FHOD3: variants seen among roughly 807,000 people sequenced by gnomAD.
FHOD3 encodes the protein FH1/FH2 domain-containing protein 3.
In FHOD3, 90 loss-of-function variants were observed where a neutral mutation model predicts 173.0. That is an observed-to-expected ratio of 0.52 (90% CI 0.44 to 0.62). The LOEUF (loss-of-function observed/expected upper bound fraction) is 0.62. FHOD3 is among the 20% of genes least tolerant of loss of function. FHOD3 has a pLI of 0.00. For missense variants in FHOD3, 1,945 were observed against 2,034.7 expected, an observed-to-expected ratio of 0.96 and a Z score of 0.85; for synonymous variants, 828 against 823.0, an observed-to-expected ratio of 1.01 and a Z score of -0.10.
intron 3 of FHOD3, among the ~76,000 whole-genome samples, chr18:36,416,856 G>A (rs985344274): frequency 1.1e-4 from 17 of 152,044 alleles, no homozygotes; most frequent in Non-Finnish European, 1.8e-4. Context: ...GTGTACAAGC[G>A]CTTCCTCCTG....
At chr18:36,386,165 A>C (rs945387012) in intron 3 of FHOD3, among the ~76,000 whole-genome samples, 7 of 152,244 alleles carry the variant, frequency 4.6e-5, no homozygotes, top group African/African-American at 1.2e-4. Flanking sequence ...AACTTTCACT[A>C]TACATATGGC....
intron 3 of FHOD3, among the ~76,000 whole-genome samples, chr18:36,378,183 C>T (rs1276639862): frequency 6.6e-6 from 1 of 152,198 alleles, no homozygotes; most frequent in Non-Finnish European, 1.5e-5. Flanking sequence ...GAGTGGCCAA[C>T]TGCAGCCTCA....
At chr18:36,428,161 C>G (rs984407021) in intron 3 of FHOD3, among the ~76,000 whole-genome samples, 4 of 152,042 alleles carry the variant, frequency 2.6e-5, no homozygotes, top group African/African-American at 9.7e-5. Context: ...TGTAGCTCGC[C>G]TCTAAGGCAT....
chr18:36,472,871 T>C (rs1448124553), intron 3 of FHOD3, among the ~76,000 whole-genome samples: 2 of 152,238 alleles, frequency 1.3e-5, no homozygotes, highest in Admixed American at 6.5e-5. Context: ...GCTGTGAACA[T>C]TGAAGGGGCA....
chr18:36,412,925 T>G (rs1408076100), intron 3 of FHOD3, among the ~76,000 whole-genome samples: 1 of 152,222 alleles, frequency 6.6e-6, no homozygotes, highest in African/African-American at 2.4e-5. Flanking sequence ...GCTTTGGAAC[T>G]GGTGTCCTAG....
chr18:36,616,131 G>A (rs1303170331), intron 9 of FHOD3, among the ~76,000 whole-genome samples: 1 of 152,238 alleles, frequency 6.6e-6, no homozygotes, highest in African/African-American at 2.4e-5. Context: ...GCATACTAAA[G>A]ATGGAAGAGG....
At chr18:36,660,074 G>A (rs1243885189) in intron 14 of FHOD3, among the ~76,000 whole-genome samples, 1 of 152,122 alleles carries the variant, frequency 6.6e-6, no homozygotes, top group African/African-American at 2.4e-5. Context: ...TTTGAGACCA[G>A]CCCAACCAAC....
chr18:36,666,062 C>T (rs958709150), intron 14 of FHOD3, among the ~76,000 whole-genome samples: 1 of 152,216 alleles, frequency 6.6e-6, no homozygotes, highest in Admixed American at 6.5e-5. Context: ...ATGACAACAG[C>T]CAGGGCCTGG....
chr18:36,458,835 A>G (rs929604570), intron 3 of FHOD3, among the ~76,000 whole-genome samples: 2 of 152,128 alleles, frequency 1.3e-5, no homozygotes, highest in Non-Finnish European at 2.9e-5. Flanking sequence ...CCAGCCTAGA[A>G]GAAAAATCAA....
At chr18:36,690,952 A>T (rs769489845) in intron 16 of FHOD3, among the ~76,000 whole-genome samples, 1 of 152,178 alleles carries the variant, frequency 6.6e-6, no homozygotes, top group African/African-American at 2.4e-5. Flanking sequence ...ACACATAAAC[A>T]TCATGTTTTG....
chr18:36,368,675 A>G lies in FHOD3; in HGVS notation c.273-4005A>G, dbSNP rs560258568. 1.4e-4 allele frequency among the ~76,000 whole-genome samples: 22 copies of G among 152,310 alleles called. No homozygotes were observed. The East Asian group carries it at 4.0e-3, about 28-fold the overall frequency. ...CTGAGACTGGGTAATTTATAAAGGA[A>G]AGAGGTTTAATTGACTCACAGTTCT... On this transcript the variant is annotated intron_variant, in intron 2 of 28. Coordinates refer to ENST00000590592, the MANE Select transcript of FHOD3 (RefSeq NM_001281740.3).
chr18:36,389,627 G>A (rs760493430), intron 3 of FHOD3, among the ~76,000 whole-genome samples: 2 of 151,996 alleles, frequency 1.3e-5, no homozygotes, highest in African/African-American at 2.4e-5. Flanking sequence ...TTTTAAATAT[G>A]TGCTCTCTCT....
intron 15 of FHOD3, among the ~76,000 whole-genome samples, chr18:36,684,839 T>C (rs1310547864): frequency 6.6e-6 from 1 of 152,132 alleles, no homozygotes; most frequent in Non-Finnish European, 1.5e-5. Context: ...GTGTCACTCT[T>C]TTGCCGAGGC....
chr18:36,680,517 A>T (rs1250146201), intron 14 of FHOD3, among the ~76,000 whole-genome samples: 2 of 151,944 alleles, frequency 1.3e-5, no homozygotes, highest in East Asian at 1.9e-4. Flanking sequence ...GATCCATCAG[A>T]CTCCTTTACA....
At position 36,779,302 on chromosome 18, in the gene FHOD3, C is replaced by T. The variant is rs1276947386; in HGVS notation, c.4787-146C>T. Reference sequence around the variant, plus strand: ...AGACTGCAGGGCACTTCAGCAAGAGCAGGAAGGTACAGAGTGTGAACCCTC... The same window carrying T: ...AGACTGCAGGGCACTTCAGCAAGAGTAGGAAGGTACAGAGTGTGAACCCTC... On this transcript the variant is annotated intron_variant, in intron 28 of 28. Coordinates refer to ENST00000590592, the MANE Select transcript of FHOD3 (RefSeq NM_001281740.3). 4.5e-6 allele frequency: 3 copies of T among 663,716 alleles called. No homozygotes were observed. The African/African-American group carries it at 5.4e-5, about 12-fold the overall frequency. The allele number at this position is 663,716 out of a possible 1,614,324, so 41.1% of individuals were successfully genotyped here. A position where few individuals can be genotyped will look rare whatever the true frequency, so the allele number is the denominator to read the frequency against.
chr18:36,586,568 TC>T (rs2059039389), intron 6 of FHOD3, among the ~76,000 whole-genome samples: 1 of 151,472 alleles, frequency 6.6e-6, no homozygotes, highest in South Asian at 2.1e-4. Context: ...CACTGCAACC[TC>T]CTGCCGCCTC....
At chr18:36,682,724 A>G (rs896135952) in intron 15 of FHOD3, among the ~76,000 whole-genome samples, 7 of 152,154 alleles carry the variant, frequency 4.6e-5, no homozygotes, top group African/African-American at 1.7e-4. Flanking sequence ...CTGGAATTAC[A>G]GGCCACACCA....
rs7241777 is a variant in FHOD3 at position 36,706,649 on chromosome 18, A to C, written c.2237-2446A>C. ...GCACACCCGCAGGCTGAAGTCAAAT[A>C]GCCATCAATCACAGAGCCTCCCTAC... On this transcript the variant is annotated intron_variant, in intron 17 of 28. Coordinates refer to ENST00000590592, the MANE Select transcript of FHOD3 (RefSeq NM_001281740.3). Among the ~76,000 whole-genome samples the C allele has an allele frequency of 9.9e-3, 1,501 of 152,294 alleles. 31 individuals carry two copies. The highest frequency in any genetic ancestry group is 0.034 in the African/African-American group (1,417 of 41,550).
At chr18:36,514,361 T>C (rs948665802) in intron 5 of FHOD3, among the ~76,000 whole-genome samples, 1 of 152,174 alleles carries the variant, frequency 6.6e-6, no homozygotes, top group Non-Finnish European at 1.5e-5. Flanking sequence ...CCATGTTGCA[T>C]CTAATCGCAG....
Sources: allele counts gnomAD v4.1 joint callset (sites outside exome capture counted in the v4.1 genomes callset), GRCh38; gene constraint gnomAD v4.1.1; transcripts MANE v1.5; gene names NCBI Gene and HGNC (gene_info 2026-07-23, HGNC 2026-07-21).